Variants in RNF150 observed in about 807,000 individuals in gnomAD.
RNF150 encodes ring finger protein 150.
RNF150 carries 24 observed loss-of-function variants against 39.3 expected under a neutral mutation model. The ratio of observed to expected loss-of-function variants is 0.61; its 90% CI spans 0.44 to 0.86. RNF150 has a LOEUF of 0.86. Ranked by LOEUF, RNF150 falls within the 40% of genes least tolerant of loss-of-function variation. The pLI is 0.00. For missense variants in RNF150, 502 were observed against 587.8 expected (o/e 0.85, Z 1.51); for synonymous variants, 255 against 227.3 (o/e 1.12, Z -1.10).
intron 1 of RNF150, among the ~76,000 whole-genome samples, chr4:141,020,253 T>G (rs1391900365): frequency 6.6e-6 from 1 of 152,144 alleles, no homozygotes; most frequent in Non-Finnish European, 1.5e-5. Context: ...TAAAAGATAT[T>G]TTTCTCTTAT....
intron 1 of RNF150, among the ~76,000 whole-genome samples, chr4:140,997,484 T>C (rs1034331893): frequency 6.6e-6 from 1 of 152,090 alleles, no homozygotes; most frequent in Non-Finnish European, 1.5e-5. Flanking sequence ...TAGCTGGGCT[T>C]GGTGGCATAT....
At chr4:141,207,920 A>G (rs1236841045) in intron 1 of RNF150, among the ~76,000 whole-genome samples, 2 of 152,226 alleles carry the variant, frequency 1.3e-5, no homozygotes, top group African/African-American at 4.8e-5. Flanking sequence ...TATTTCAAGC[A>G]GGAAAGATTT....
rs1431321069 is a variant in RNF150, at chr4:141,009,211, T to G, written c.485-41338A>C. ...AATATTTGATGATTCTTGTTAAGACTAACATATGCTTATATTTCACCCAGT... is the reference window on the plus strand; with the variant it reads ...AATATTTGATGATTCTTGTTAAGACGAACATATGCTTATATTTCACCCAGT... On this transcript the variant is annotated intron_variant, in intron 1 of 6. Transcript: ENST00000515673. Among the ~76,000 whole-genome samples, 4 of 152,340 alleles carry G rather than the reference T, an allele frequency of 2.6e-5. No individual in the cohort carries two copies. In the South Asian group the frequency reaches 8.3e-4, roughly 32 times the overall value.
intron 1 of RNF150, among the ~76,000 whole-genome samples, chr4:141,013,541 C>G (rs889590734): frequency 6.6e-6 from 1 of 152,172 alleles, no homozygotes; most frequent in East Asian, 1.9e-4. Flanking sequence ...AAGTCTTCTA[C>G]GCTATCCTCT....
At chr4:141,043,473 T>C (rs893072930) in intron 1 of RNF150, among the ~76,000 whole-genome samples, 1 of 152,144 alleles carries the variant, frequency 6.6e-6, no homozygotes, top group Admixed American at 6.6e-5. Context: ...CTTAGTAGTG[T>C]TAGAAAGAGA....
chr4:140,878,164 GTTTTTT>G (rs58338048), intron 6 of RNF150, among the ~76,000 whole-genome samples: 6 of 90,504 alleles, frequency 6.6e-5, no homozygotes, highest in Non-Finnish European at 8.8e-5. Context: ...ATCTCATTGT[GTTTTTT>G]TTTTTTTTTT....
Position 140,911,165 on chromosome 4 carries a change from C to T in RNF150, c.1177G>A (p.Asp393Asn). 1 of 1,614,034 alleles carries T rather than the reference C, an allele frequency of 6.2e-7. No individual in the cohort carries two copies. Among genetic ancestry groups the T allele is most frequent in the South Asian group, 1.1e-5 (1 of 91,084 alleles). The change falls in exon 6 of 7, where the codon GAC (aspartate) becomes AAC (asparagine). Residue 393 changes from aspartate to asparagine, a missense_variant. Asp to Asn is a conservative substitution (Grantham distance 23). Coordinates refer to ENST00000515673, the MANE Select transcript of RNF150 (RefSeq NM_020724.2). ...QDTDPIPQEG[D>N]VIFTTNSEQE... Reference sequence around the variant, plus strand: ...TCACTGTTAGTAGTAAAGATGACGTCTCCCTCCTGGGGGATGGGGTCTGTA... The same window carrying T: ...TCACTGTTAGTAGTAAAGATGACGTTTCCCTCCTGGGGGATGGGGTCTGTA...
chr4:141,082,650 G>T (rs1738201946), intron 1 of RNF150, among the ~76,000 whole-genome samples: 1 of 150,718 alleles, frequency 6.6e-6, no homozygotes, highest in Admixed American at 6.6e-5. Context: ...GTGCAGTGGC[G>T]GGATCTCGGC....
intron 1 of RNF150, among the ~76,000 whole-genome samples, chr4:141,138,711 C>T (rs1727067615): frequency 6.6e-6 from 1 of 152,136 alleles, no homozygotes; most frequent in Admixed American, 6.5e-5. Flanking sequence ...AATCTCAGGC[C>T]TGCCACATGG....
intron 1 of RNF150, among the ~76,000 whole-genome samples, chr4:141,048,832 C>G (rs1161559185): frequency 6.6e-6 from 1 of 152,136 alleles, no homozygotes; most frequent in African/African-American, 2.4e-5. Flanking sequence ...TGCCTAGTAG[C>G]TTTTTAGACA....
At chr4:141,138,152 C>G (rs1350327069), upstream of RNF150, among the ~76,000 whole-genome samples, 1 of 152,168 alleles carries the variant, frequency 6.6e-6, no homozygotes, top group African/African-American at 2.4e-5. Context: ...CTACCTTAGA[C>G]TTCTAAAAAA....
Position 141,126,270 on chromosome 4 carries a change from C to CTTAG in RNF150, c.484+6054_484+6055insCTAA, listed in dbSNP as rs546404031. On this transcript the variant is annotated intron_variant, in intron 1 of 6. Transcript: ENST00000515673. ...TAAATATCTAAGTGATAGAGAATCA[C>CTTAG]ATACTCTCAATGCTTGGGAAGGCCC... Among the ~76,000 whole-genome samples, 21 of 152,260 alleles carry CTTAG rather than the reference C, an allele frequency of 1.4e-4. No homozygotes were observed. The South Asian group carries it at 3.9e-3, about 29-fold the overall frequency.
rs1290420798 is a variant in RNF150 at position 141,049,535 on chromosome 4, G to GA, written c.485-81663dup. Among the ~76,000 whole-genome samples the GA allele has an allele frequency of 5.9e-5, 9 of 151,878 alleles. 1 individual carries two copies. The highest frequency in any genetic ancestry group is 2.1e-4 in the South Asian group (1 of 4,816). ...AATTTAAAAAAGAAGTACAGAAGGT[G>GA]AAAAAAATTAACACATTTTGAATAC... On this transcript the variant is annotated intron_variant, in intron 1 of 6. Transcript: ENST00000515673.
chr4:140,964,976 A>G (rs1733180020), intron 2 of RNF150, among the ~76,000 whole-genome samples: 1 of 152,074 alleles, frequency 6.6e-6, no homozygotes, highest in Non-Finnish European at 1.5e-5. Context: ...ATTATTCAAT[A>G]AATGCCAGTT....
rs1169596089 is a variant in RNF150 at position 140,999,993 on chromosome 4, AAAGAAGAAGAAGAAGAAGAAG to A, written c.485-32141_485-32121del. 1.7e-3 allele frequency among the ~76,000 whole-genome samples: 105 copies of A among 63,300 alleles called. 2 individuals are homozygous for A. Among genetic ancestry groups the A allele is most frequent in the African/African-American group, 5.0e-3 (95 of 18,874 alleles). 41.5% of individuals were successfully genotyped at this position (63,300 alleles called of 152,430 possible). A position where few individuals can be genotyped will look rare whatever the true frequency, so the allele number is the denominator to read the frequency against. On this transcript the variant is annotated intron_variant, in intron 1 of 6. Coordinates refer to ENST00000515673, the MANE Select transcript of RNF150 (RefSeq NM_020724.2). ...AGAAGAAGAAAAGAAGAAAAGAAGA[AAAGAAGAAGAAGAAGAAGAAG>A]AAGAAGAAGAAGAAGAAGAAGAAGA...
At chr4:141,062,541 T>C (rs1007099996) in intron 1 of RNF150, among the ~76,000 whole-genome samples, 33 of 152,092 alleles carry the variant, frequency 2.2e-4, no homozygotes, top group African/African-American at 7.2e-4. Flanking sequence ...TAATACACAA[T>C]AGTGTTCTCT....
intron 1 of RNF150, among the ~76,000 whole-genome samples, chr4:141,142,802 G>T (rs1179531161): frequency 1.3e-5 from 2 of 151,952 alleles, no homozygotes; most frequent in Non-Finnish European, 2.9e-5. Flanking sequence ...CCTAAGGATT[G>T]CTGTGGTCTC....
At chr4:140,887,104 G>GTAT (rs1204924664) in intron 6 of RNF150, among the ~76,000 whole-genome samples, 2 of 152,164 alleles carry the variant, frequency 1.3e-5, no homozygotes, top group African/African-American at 4.8e-5. Context: ...ACAGGCAATG[G>GTAT]TATTAGAAAG....
Position 140,986,287 on chromosome 4 carries a change from G to T in RNF150, c.485-18414C>A, listed in dbSNP as rs139330223. Among the ~76,000 whole-genome samples, 335 of 152,172 alleles carry T rather than the reference G, an allele frequency of 2.2e-3. 1 individual carries two copies. Among genetic ancestry groups the T allele is most frequent in the African/African-American group, 7.8e-3 (322 of 41,530 alleles). ...TAAGGCAATTAGGTACTACAAGGGGGTTACACAATCTACTCTGATATCATT... is the reference window on the plus strand; with the variant it reads ...TAAGGCAATTAGGTACTACAAGGGGTTTACACAATCTACTCTGATATCATT... On this transcript the variant is annotated intron_variant, in intron 1 of 6. Coordinates refer to ENST00000515673, the MANE Select transcript of RNF150 (RefSeq NM_020724.2).
Sources: gnomAD v4.1 joint callset for allele counts (sites outside exome capture counted in the v4.1 genomes callset) on GRCh38, gnomAD v4.1.1 for gene constraint, MANE v1.5 for transcripts, NCBI Gene and HGNC (gene_info 2026-07-23, HGNC 2026-07-21) for gene names.